PTPRS: variants seen among roughly 807,000 people sequenced by gnomAD.
PTPRS encodes the protein receptor-type tyrosine-protein phosphatase S.
PTPRS carries 63 observed loss-of-function variants against 215.3 expected under a neutral mutation model. That is an observed-to-expected ratio of 0.29 (90% confidence interval 0.24 to 0.36). PTPRS has a LOEUF of 0.36. Ranked by LOEUF, PTPRS falls within the 10% of genes least tolerant of loss-of-function variation. The pLI is 1.00. For synonymous variants in PTPRS, 1,404 were observed against 1,191.4 expected (o/e 1.18, Z -3.68); for missense variants, 2,258 against 2,825.8 (o/e 0.80, Z 4.56).
At chr19:5,219,518 G>A in intron 22 of PTPRS, 51 bp from the exon 23 acceptor site, 4 of 1,503,962 alleles carry the variant, frequency 2.7e-6, no homozygotes, top group Non-Finnish European at 2.6e-6. Context: ...CCTTGTAGTG[G>A]CCAGATGGGT....
In PTPRS at chr19:5,229,324, C is replaced by T; in HGVS notation, c.2368G>A (p.Ala790Thr). The change falls in exon 16 of 38, where the codon GCC (alanine) becomes ACC (threonine). Residue 790 changes from alanine (A) to threonine (T), a missense_variant. By Grantham distance (58) the Ala-to-Thr change is moderately conservative. Transcript: ENST00000262963. ...CCAGGGGCGCTACTTACATATTCGGCCGTGTCATCCGTCTCCCACTGAGCG... is the reference window on the plus strand; with the variant it reads ...CCAGGGGCGCTACTTACATATTCGGTCGTGTCATCCGTCTCCCACTGAGCG... ...ADAQWETDDT[A>T]EYEMVITNLQ... 1 of 1,378,234 alleles carries T rather than the reference C, an allele frequency of 7.3e-7. No homozygotes were observed. Among genetic ancestry groups the T allele is most frequent in the Non-Finnish European group, 9.4e-7 (1 of 1,060,792 alleles). 85.4% of individuals were successfully genotyped at this position (1,378,234 alleles called of 1,614,324 possible). A position where few individuals can be genotyped will look rare whatever the true frequency, so the allele number is the denominator to read the frequency against.
intron 1 of PTPRS, among the ~76,000 whole-genome samples, chr19:5,316,849 C>CTGG (rs2049890178): frequency 6.6e-6 from 1 of 152,160 alleles, no homozygotes; most frequent in Non-Finnish European, 1.5e-5. Flanking sequence ...GTTCTGGCAC[C>CTGG]CGGCTGTGAT....
At chr19:5,319,514 A>G (rs1032116882) in intron 1 of PTPRS, among the ~76,000 whole-genome samples, 1 of 150,066 alleles carries the variant, frequency 6.7e-6, no homozygotes, top group Admixed American at 6.7e-5. Flanking sequence ...GGCATCAACC[A>G]TGAGTATCTG....
intron 1 of PTPRS, among the ~76,000 whole-genome samples, chr19:5,336,876 AG>A (rs1184644402): frequency 2.0e-5 from 3 of 152,164 alleles, no homozygotes; most frequent in Non-Finnish European, 2.9e-5. Flanking sequence ...GGACGGAGGA[AG>A]GGCAACCTGC....
At chr19:5,301,405 T>A (rs1246134009) in intron 1 of PTPRS, among the ~76,000 whole-genome samples, 1 of 149,456 alleles carries the variant, frequency 6.7e-6, no homozygotes, top group Non-Finnish European at 1.5e-5. Flanking sequence ...ACCCTCTGCC[T>A]CCCAGGTTCA....
intron 2 of PTPRS, among the ~76,000 whole-genome samples, chr19:5,283,719 T>A (rs946146906): frequency 6.6e-6 from 1 of 152,136 alleles, no homozygotes; most frequent in Non-Finnish European, 1.5e-5. Context: ...TGGCTTCTGG[T>A]CCCTGAGGGA....
chr19:5,315,055 G>T (rs1273092096), intron 1 of PTPRS, among the ~76,000 whole-genome samples: 1 of 152,148 alleles, frequency 6.6e-6, no homozygotes, highest in Non-Finnish European at 1.5e-5. Context: ...CAAAGACCTT[G>T]TGTGGGAAGC....
Position 5,262,816 on chromosome 19 carries a change from G to C in PTPRS, c.577+148C>G, listed in dbSNP as rs1599773263. On this transcript the variant is annotated intron_variant, in intron 6 of 37. Coordinates refer to ENST00000262963, the MANE Select transcript of PTPRS (RefSeq NM_002850.4). Reference sequence around the variant, plus strand: ...GGGCTGAGGGGCCGGTCGCGGGGAGGAGGGAGAGGGCGTTAGTAAACATAC... The same window carrying C: ...GGGCTGAGGGGCCGGTCGCGGGGAGCAGGGAGAGGGCGTTAGTAAACATAC... 3.6e-6 allele frequency: 3 copies of C among 828,042 alleles called. No homozygotes were observed. In the East Asian group the frequency reaches 8.1e-5, roughly 22 times the overall value. 51.3% of individuals were successfully genotyped at this position (828,042 alleles called of 1,614,324 possible). A position where few individuals can be genotyped will look rare whatever the true frequency, so the allele number is the denominator to read the frequency against.
At chr19:5,278,632 G>A (rs980227676) in intron 2 of PTPRS, among the ~76,000 whole-genome samples, 1 of 151,296 alleles carries the variant, frequency 6.6e-6, no homozygotes, top group African/African-American at 2.4e-5. Flanking sequence ...CACACATCAC[G>A]CCCGGCTAAT....
intron 1 of PTPRS, among the ~76,000 whole-genome samples, chr19:5,305,800 C>T (rs1169722638): frequency 2.8e-5 from 4 of 142,540 alleles, no homozygotes; most frequent in African/African-American, 1.0e-4. Flanking sequence ...ATTAGCCGGG[C>T]GTGGTGGCAG....
At chr19:5,322,651 G>A (rs893016684) in intron 1 of PTPRS, among the ~76,000 whole-genome samples, 2 of 152,024 alleles carry the variant, frequency 1.3e-5, no homozygotes, top group Non-Finnish European at 2.9e-5. Context: ...AGGCTGAGGC[G>A]GGCGGATCAC....
chr19:5,219,901 G>A, intron 22 of PTPRS, 38 bp downstream of exon 22: 1 of 1,594,420 alleles, frequency 6.3e-7, no homozygotes, highest in Non-Finnish European at 8.6e-7. Context: ...TCATTCAGAG[G>A]TGTGTCTGGA....
At chr19:5,328,989 G>A (rs1373350032) in intron 1 of PTPRS, among the ~76,000 whole-genome samples, 2 of 152,220 alleles carry the variant, frequency 1.3e-5, no homozygotes, top group East Asian at 3.9e-4. Flanking sequence ...AGGCCAGGCG[G>A]TAGCTCCCAG....
intron 1 of PTPRS, among the ~76,000 whole-genome samples, chr19:5,336,663 G>A (rs117291159): frequency 2.2e-4 from 34 of 152,110 alleles, no homozygotes; most frequent in Admixed American, 4.6e-4. Context: ...TGAATTTTTG[G>A]TTTTTTTGTT....
chr19:5,321,093 C>T (rs769763989), intron 1 of PTPRS, among the ~76,000 whole-genome samples: 5 of 151,810 alleles, frequency 3.3e-5, no homozygotes, highest in Non-Finnish European at 7.4e-5. Flanking sequence ...AAGACCTTGT[C>T]TCTACAAAAA....
Position 5,225,777 on chromosome 19 carries a change from T to C in PTPRS, c.2444A>G (p.Lys815Arg), listed in dbSNP as rs755012048. 3 of 1,614,050 alleles carry C rather than the reference T, an allele frequency of 1.9e-6. No individual in the cohort carries two copies. The highest frequency in any genetic ancestry group is 2.2e-5 in the East Asian group (1 of 44,860). ...YSITVAAYTMKGDGARSKPKV... is the reference protein window; with the variant it reads ...YSITVAAYTMRGDGARSKPKV... ...GGGTTTGCTGCGAGCGCCATCGCCC[T>C]TCATGGTGTAGGCGGCTACCGTGAT... The change falls in exon 17 of 38, where the codon AAG becomes AGG. Residue 815 changes from lysine (K) to arginine (R), a missense_variant. By Grantham distance (26) the Lys-to-Arg change is conservative. Around this residue, in one of 6 missense-constraint regions of PTPRS, gnomAD observed 371 missense variants for 446.7 expected, o/e 0.83. Coordinates refer to ENST00000262963, the MANE Select transcript of PTPRS (RefSeq NM_002850.4).
rs1253529897 is a variant in PTPRS, at chr19:5,294,036, A to G, written c.-94-7802T>C. Among the ~76,000 whole-genome samples the G allele has an allele frequency of 6.6e-6, 1 of 152,106 alleles. No homozygotes were observed. The highest frequency in any genetic ancestry group is 1.5e-5 in the Non-Finnish European group (1 of 68,002). ...CCACCGGAGGGGCCCGGAATGTAGAAGCCCAGCGGGACCTGGGGGTCTGGG... is the reference window on the plus strand; with the variant it reads ...CCACCGGAGGGGCCCGGAATGTAGAGGCCCAGCGGGACCTGGGGGTCTGGG... On this transcript the variant is annotated intron_variant, in intron 1 of 37. Transcript: ENST00000262963. This position sits in a 1 kb window ranked among gnomAD's most constrained non-coding sequence, Gnocchi z 5.1.
rs2045674707 is a variant in PTPRS at position 5,257,730 on chromosome 19, C to A, written c.706+287G>T. Among the ~76,000 whole-genome samples the A allele has an allele frequency of 6.6e-6, 1 of 152,198 alleles. No homozygotes were observed. Among genetic ancestry groups the A allele is most frequent in the African/African-American group, 2.4e-5 (1 of 41,450 alleles). ...GCCCAAGACTGACCCCCTCACCCTG[C>A]CCCACGCCTTCCTACCCCACCATCA... On this transcript the variant is annotated intron_variant, in intron 8 of 37. Coordinates refer to ENST00000262963, the MANE Select transcript of PTPRS (RefSeq NM_002850.4). The surrounding 1 kb of genome is among the most constrained non-coding windows in gnomAD (Gnocchi z 4.4).
chr19:5,215,152 T>C (rs1380652026), intron 28 of PTPRS, 137 bp downstream of exon 28: 3 of 1,123,698 alleles, frequency 2.7e-6, no homozygotes, highest in Non-Finnish European at 3.8e-6. Flanking sequence ...TATCTAAAGA[T>C]GCCCAGTGGC....
Sources: allele counts gnomAD v4.1 joint callset (sites outside exome capture counted in the v4.1 genomes callset), GRCh38; gene constraint gnomAD v4.1.1; regional missense constraint gnomAD v4.1.1; non-coding constraint Gnocchi (gnomAD v3.1); transcripts MANE v1.5; gene names NCBI Gene and HGNC (gene_info 2026-07-23, HGNC 2026-07-21).